CTNNA2: variants seen among roughly 807,000 people sequenced by gnomAD.
CTNNA2 encodes the protein catenin alpha 2.
A neutral mutation model predicts 101.0 loss-of-function variants in CTNNA2; 42 were observed. That is an observed-to-expected ratio of 0.42 (90% CI 0.32 to 0.54). CTNNA2 has a LOEUF of 0.54. Ranked by LOEUF, CTNNA2 falls within the 20% of genes least tolerant of loss-of-function variation. CTNNA2 has a pLI of 0.14. For synonymous variants in CTNNA2, 450 were observed against 456.4 expected (o/e 0.99, Z 0.18); for missense variants, 871 against 1,223.1 (o/e 0.71, Z 4.29).
chr2:79,701,738 A>G (rs1021440327), intron 2 of CTNNA2, among the ~76,000 whole-genome samples: 6 of 152,172 alleles, frequency 3.9e-5, no homozygotes, highest in African/African-American at 1.4e-4. Context: ...ATGATGGCTC[A>G]TGCCTGTAAT....
At chr2:79,518,534 A>G (rs1328466928) in intron 1 of CTNNA2, among the ~76,000 whole-genome samples, 1 of 152,236 alleles carries the variant, frequency 6.6e-6, no homozygotes, top group Non-Finnish European at 1.5e-5. Context: ...AACTAAAACC[A>G]TGGACTCTTG....
intron 6 of CTNNA2, among the ~76,000 whole-genome samples, chr2:79,894,742 T>C (rs1017605929): frequency 6.6e-6 from 1 of 152,332 alleles, no homozygotes; most frequent in Admixed American, 6.5e-5. Context: ...TATGCTACTA[T>C]TGTACTTTAT....
intron 2 of CTNNA2, among the ~76,000 whole-genome samples, chr2:79,297,510 T>A (rs1214171705): frequency 6.6e-6 from 1 of 152,190 alleles, no homozygotes; most frequent in Admixed American, 6.5e-5. Context: ...GGCTTTACTT[T>A]CTCATATCCT....
At chr2:79,534,932 A>G (rs1040072323) in intron 1 of CTNNA2, among the ~76,000 whole-genome samples, 2 of 151,830 alleles carry the variant, frequency 1.3e-5, no homozygotes, top group African/African-American at 4.8e-5. Flanking sequence ...AAACAAATAG[A>G]AAAAAATACA....
chr2:79,657,203 A>G (rs1340487361), intron 2 of CTNNA2, among the ~76,000 whole-genome samples: 1 of 151,896 alleles, frequency 6.6e-6, no homozygotes, highest in Non-Finnish European at 1.5e-5. Flanking sequence ...TGAGGCACAA[A>G]TTATGGAAAA....
chr2:79,517,718 G>A (rs1471028212), intron 1 of CTNNA2, among the ~76,000 whole-genome samples: 1 of 152,074 alleles, frequency 6.6e-6, no homozygotes, highest in Non-Finnish European at 1.5e-5. Context: ...CCATAAATTT[G>A]CATTATATAC....
chr2:80,647,470 C>G, intron 18 of CTNNA2, 115 bp from the exon 19 acceptor site: 1 of 916,106 alleles, frequency 1.1e-6, no homozygotes, highest in Non-Finnish European at 1.6e-6. Flanking sequence ...TCCTTTTCAG[C>G]AATACTATTT....
intron 9 of CTNNA2, among the ~76,000 whole-genome samples, chr2:80,531,721 C>CA (rs1406339160): frequency 6.6e-6 from 1 of 152,148 alleles, no homozygotes; most frequent in African/African-American, 2.4e-5. Context: ...GGGAGGGGCA[C>CA]ATATTTTTAT....
At chr2:80,085,669 T>C (rs868719023) in intron 7 of CTNNA2, among the ~76,000 whole-genome samples, 2 of 152,066 alleles carry the variant, frequency 1.3e-5, no homozygotes, top group African/African-American at 2.4e-5. Context: ...TTCTGCATGT[T>C]GTCTGTCTCT....
chr2:79,634,928 C>A (rs775143127), intron 1 of CTNNA2, among the ~76,000 whole-genome samples: 6 of 152,066 alleles, frequency 3.9e-5, no homozygotes, highest in African/African-American at 1.4e-4. Flanking sequence ...ATATTTAGAA[C>A]TTTATTCTTA....
chr2:80,297,902 T>C (rs1324308465), intron 7 of CTNNA2, among the ~76,000 whole-genome samples: 1 of 152,132 alleles, frequency 6.6e-6, no homozygotes, highest in Non-Finnish European at 1.5e-5. Context: ...AGTTTGATTA[T>C]GAAGAAGAAA....
intron 7 of CTNNA2, among the ~76,000 whole-genome samples, chr2:80,276,597 G>A (rs1673923318): frequency 6.6e-6 from 1 of 152,096 alleles, no homozygotes; most frequent in Admixed American, 6.6e-5. Context: ...AGCAGAAGAT[G>A]AAGGAGAGAA....
intron 1 of CTNNA2, among the ~76,000 whole-genome samples, chr2:79,550,828 C>T (rs943480560): frequency 6.6e-6 from 1 of 152,122 alleles, no homozygotes; most frequent in Non-Finnish European, 1.5e-5. Flanking sequence ...CCCACAGTCA[C>T]CTAGCTGATG....
rs191836211 is a variant in CTNNA2 at position 80,094,994 on chromosome 2, T to C, written c.1056+185197T>C. Reference sequence around the variant, plus strand: ...TCTTTTCCTAATTGAGTGCCCTTTATTTCCTTCTCCTGCCTGATTGCCCTG... The same window carrying C: ...TCTTTTCCTAATTGAGTGCCCTTTACTTCCTTCTCCTGCCTGATTGCCCTG... On this transcript the variant is annotated intron_variant, in intron 7 of 18. Coordinates refer to ENST00000402739, the MANE Select transcript of CTNNA2 (RefSeq NM_001282597.3). Among the ~76,000 whole-genome samples, 398 of 152,334 alleles carry C rather than the reference T, an allele frequency of 2.6e-3. 2 individuals carry two copies. The highest frequency in any genetic ancestry group is 8.8e-3 in the African/African-American group (365 of 41,580).
chr2:80,123,207 G>T (rs1209789895), intron 7 of CTNNA2, among the ~76,000 whole-genome samples: 1 of 152,146 alleles, frequency 6.6e-6, no homozygotes, highest in African/African-American at 2.4e-5. Context: ...GCCTCATTCA[G>T]CTCCCAAGCA....
At chr2:80,589,215 T>G in intron 14 of CTNNA2, 89 bp from the exon 15 acceptor site, 1 of 1,343,644 alleles carries the variant, frequency 7.4e-7, no homozygotes, top group Non-Finnish European at 1.0e-6. Flanking sequence ...TTGCAGGGTC[T>G]GGCTCTGCCA....
At chr2:79,729,941 AAAC>A (rs1346385480) in intron 2 of CTNNA2, among the ~76,000 whole-genome samples, 7 of 152,180 alleles carry the variant, frequency 4.6e-5, no homozygotes, top group Admixed American at 4.6e-4. Flanking sequence ...TTTCTTTGAA[AAAC>A]AAGGGAATGT....
At chr2:79,550,156 A>G (rs1674003890) in intron 1 of CTNNA2, among the ~76,000 whole-genome samples, 2 of 152,212 alleles carry the variant, frequency 1.3e-5, no homozygotes, top group Admixed American at 6.5e-5. Flanking sequence ...GTTTCTAACT[A>G]TTCTCAAAAT....
chr2:79,688,424 T>C (rs1482510324), intron 2 of CTNNA2, among the ~76,000 whole-genome samples: 1 of 151,956 alleles, frequency 6.6e-6, no homozygotes, highest in Non-Finnish European at 1.5e-5. Flanking sequence ...AAAAACAACA[T>C]AATTAAAAAC....
Sources: allele counts gnomAD v4.1 joint callset (sites outside exome capture counted in the v4.1 genomes callset), GRCh38; gene constraint gnomAD v4.1.1; transcripts MANE v1.5; gene names NCBI Gene and HGNC (gene_info 2026-07-23, HGNC 2026-07-21).